Variants in UVRAG observed in about 807,000 individuals in gnomAD.
UVRAG encodes the protein UV radiation resistance-associated gene protein.
A neutral mutation model predicts 78.0 loss-of-function variants in UVRAG; 19 were observed. The observed-to-expected ratio is 0.24, with a 90% CI of 0.17 to 0.36. The LOEUF is 0.36. UVRAG is among the 10% of genes least tolerant of loss of function. The probability of loss-of-function intolerance (pLI) is 1.00; values close to 1 mark genes in which losing one functional copy is unlikely to be tolerated. For synonymous variants in UVRAG, 323 were observed against 324.6 expected (o/e 1.00, Z 0.05); for missense variants, 740 against 853.8 (o/e 0.87, Z 1.66).
chr11:76,048,403 A>G (rs1950803785), intron 12 of UVRAG, among the ~76,000 whole-genome samples: 1 of 152,220 alleles, frequency 6.6e-6, no homozygotes, highest in African/African-American at 2.4e-5. Context: ...GATTTCGATG[A>G]CTTGTAAGTA....
intron 1 of UVRAG, among the ~76,000 whole-genome samples, chr11:75,842,073 G>C (rs553588554): frequency 1.3e-5 from 2 of 152,246 alleles, no homozygotes; most frequent in East Asian, 3.9e-4. Flanking sequence ...CATGTGACTG[G>C]TTGGCTTCCT....
chr11:76,038,484 T>G (rs535732688), intron 12 of UVRAG, among the ~76,000 whole-genome samples: 2 of 152,234 alleles, frequency 1.3e-5, no homozygotes, highest in Admixed American at 6.5e-5. Context: ...ACAGGACTTA[T>G]GTACATAAGT....
At chr11:75,922,122 G>T (rs973871703) in intron 6 of UVRAG, among the ~76,000 whole-genome samples, 1 of 151,972 alleles carries the variant, frequency 6.6e-6, no homozygotes, top group Non-Finnish European at 1.5e-5. Context: ...TATATCAGTT[G>T]AAGTTTTACA....
At chr11:76,089,111 G>C (rs1034587687) in intron 13 of UVRAG, among the ~76,000 whole-genome samples, 1 of 152,152 alleles carries the variant, frequency 6.6e-6, no homozygotes, top group Admixed American at 6.5e-5. Flanking sequence ...AAGGCAAAGG[G>C]AGTTCACATT....
intron 7 of UVRAG, among the ~76,000 whole-genome samples, chr11:75,965,304 TTTTA>T (rs112528205): frequency 6.9e-6 from 1 of 145,832 alleles, no homozygotes. Flanking sequence ...TTTGGACATC[TTTTA>T]TTTATTTATT....
At chr11:75,929,186 A>T (rs1369815851) in intron 6 of UVRAG, among the ~76,000 whole-genome samples, 1 of 152,196 alleles carries the variant, frequency 6.6e-6, no homozygotes, top group Non-Finnish European at 1.5e-5. Context: ...TTGCTGTGTG[A>T]TAAACTTTGC....
chr11:76,096,361 T>G (rs142107801), intron 13 of UVRAG, among the ~76,000 whole-genome samples: 381 of 152,154 alleles, frequency 2.5e-3, no homozygotes, highest in Non-Finnish European at 4.7e-3. Context: ...AACGTAAGAG[T>G]ACGTCCAAGG....
At chr11:75,964,035 A>G (rs898921936) in intron 7 of UVRAG, among the ~76,000 whole-genome samples, 3 of 152,184 alleles carry the variant, frequency 2.0e-5, no homozygotes, top group Admixed American at 6.5e-5. Flanking sequence ...TCTGGTATTA[A>G]GGTGAAATAC....
At chr11:76,007,491 A>G (rs529074673) in intron 9 of UVRAG, 43 bp from the exon 10 acceptor site, 2 of 1,436,304 alleles carry the variant, frequency 1.4e-6, no homozygotes, top group East Asian at 2.3e-5. Context: ...AAAGCATGCA[A>G]GCATATATTT....
At position 75,938,430 on chromosome 11, in the gene UVRAG, A is replaced by G. The variant is rs577412479; in HGVS notation, c.594-23014A>G. 6.6e-5 allele frequency among the ~76,000 whole-genome samples: 10 copies of G among 152,258 alleles called. No individual in the cohort carries two copies. In the South Asian group the frequency reaches 1.4e-3, roughly 22 times the overall value. ...TTTAATTGGATGTCAGGCATTGTCA[A>G]TTTTACCTTATTGTTTGTTGGATAT... On this transcript the variant is annotated intron_variant, in intron 6 of 14. Transcript: ENST00000356136.
At chr11:75,833,981 G>C (rs1005684986) in intron 1 of UVRAG, among the ~76,000 whole-genome samples, 8 of 152,206 alleles carry the variant, frequency 5.3e-5, no homozygotes. Flanking sequence ...CAGAGATTTT[G>C]TTTATGGCCA....
chr11:76,116,427 A>G (rs1238102423), intron 14 of UVRAG, among the ~76,000 whole-genome samples: 1 of 152,214 alleles, frequency 6.6e-6, no homozygotes, highest in Non-Finnish European at 1.5e-5. Flanking sequence ...AAGAAAGCAG[A>G]TAAGGAATAG....
intron 6 of UVRAG, among the ~76,000 whole-genome samples, chr11:75,925,629 G>C (rs754791928): frequency 6.6e-6 from 1 of 152,200 alleles, no homozygotes; most frequent in African/African-American, 2.4e-5. Flanking sequence ...TTCTAAATAT[G>C]TTGTGTTCTA....
At chr11:75,989,212 G>A (rs555832637) in intron 8 of UVRAG, among the ~76,000 whole-genome samples, 3 of 151,982 alleles carry the variant, frequency 2.0e-5, no homozygotes, top group African/African-American at 7.3e-5. Context: ...GTACCACCAC[G>A]CCTGGGTAAT....
intron 12 of UVRAG, among the ~76,000 whole-genome samples, chr11:76,033,960 A>C (rs934018210): frequency 5.3e-5 from 8 of 152,176 alleles, no homozygotes; most frequent in African/African-American, 1.9e-4. Flanking sequence ...AACCCCACTC[A>C]ACCTAAGAAC....
At chr11:76,051,788 G>A (rs993098762) in intron 12 of UVRAG, among the ~76,000 whole-genome samples, 3 of 151,986 alleles carry the variant, frequency 2.0e-5, no homozygotes, top group Admixed American at 2.0e-4. Flanking sequence ...CTTTTGGTTG[G>A]CACATACGTC....
At chr11:75,902,300 G>C (rs1317633653) in intron 5 of UVRAG, among the ~76,000 whole-genome samples, 1 of 152,190 alleles carries the variant, frequency 6.6e-6, no homozygotes, top group Admixed American at 6.5e-5. Context: ...GGATGAAACT[G>C]TTCCACCTCA....
chr11:75,842,502 C>T (rs1179698330), intron 1 of UVRAG, among the ~76,000 whole-genome samples: 3 of 145,724 alleles, frequency 2.1e-5, no homozygotes, highest in Admixed American at 7.0e-5. Flanking sequence ...AGTGCAATGG[C>T]GTGATCACGG....
At chr11:75,824,737 G>T (rs1463067876) in intron 1 of UVRAG, among the ~76,000 whole-genome samples, 1 of 141,978 alleles carries the variant, frequency 7.0e-6, no homozygotes, top group Admixed American at 7.3e-5. Context: ...GCAGTGGCAC[G>T]ATCTCGGCTC....
Sources: gnomAD v4.1 joint callset for allele counts (sites outside exome capture counted in the v4.1 genomes callset) on GRCh38, gnomAD v4.1.1 for gene constraint, MANE v1.5 for transcripts, NCBI Gene and HGNC (gene_info 2026-07-23, HGNC 2026-07-21) for gene names.